GALNT13: variants seen among roughly 807,000 people sequenced by gnomAD.
The protein encoded by GALNT13 is polypeptide N-acetylgalactosaminyltransferase 13.
In GALNT13, 28 loss-of-function variants were observed where a neutral mutation model predicts 64.2. That is an observed-to-expected ratio of 0.44 (90% CI 0.32 to 0.60). The LOEUF is 0.60. GALNT13 is among the 20% of genes least tolerant of loss of function. The pLI is 0.05. For synonymous variants in GALNT13, 214 were observed against 224.6 expected (o/e 0.95, Z 0.42); for missense variants, 577 against 669.8 (o/e 0.86, Z 1.53).
the GALNT13 span, among the ~76,000 whole-genome samples, chr2:153,711,116 G>A: frequency 6.6e-6 from 1 of 152,024 alleles, no homozygotes; most frequent in African/African-American, 2.4e-5. Flanking sequence ...TCTAAATTCA[G>A]CTCTCCAAAC....
At chr2:154,065,604 C>T (rs1700419276) in intron 3 of GALNT13, among the ~76,000 whole-genome samples, 1 of 152,192 alleles carries the variant, frequency 6.6e-6, no homozygotes, top group African/African-American at 2.4e-5. Context: ...GGATCTTATG[C>T]AGTATCACCA....
intron 4 of GALNT13, among the ~76,000 whole-genome samples, chr2:154,169,724 C>T (rs1685248528): frequency 2.6e-5 from 4 of 152,162 alleles, no homozygotes. Context: ...ACTGGCAGCA[C>T]TCCGGGTAAG....
At chr2:153,258,143 T>C in the GALNT13 span, among the ~76,000 whole-genome samples, 1 of 152,310 alleles carries the variant, frequency 6.6e-6, no homozygotes, top group East Asian at 1.9e-4. Context: ...TCAAAGCCAA[T>C]TTGGAAAGCC....
intron 3 of GALNT13, among the ~76,000 whole-genome samples, chr2:153,954,133 T>A (rs934313698): frequency 2.0e-5 from 3 of 152,194 alleles, no homozygotes; most frequent in Non-Finnish European, 2.9e-5. Context: ...AGAATTCCTA[T>A]GTTTACATAA....
At chr2:153,782,468 C>G in the GALNT13 span, among the ~76,000 whole-genome samples, 1 of 152,094 alleles carries the variant, frequency 6.6e-6, no homozygotes, top group Admixed American at 6.5e-5. Context: ...CACATCTAAA[C>G]ATAAAAAGGA....
At chr2:154,335,100 T>C (rs959840092) in intron 9 of GALNT13, among the ~76,000 whole-genome samples, 1 of 151,960 alleles carries the variant, frequency 6.6e-6, no homozygotes, top group African/African-American at 2.4e-5. Context: ...TCCTATATGT[T>C]CTCTTGTACA....
At chr2:153,500,535 T>G in the GALNT13 span, among the ~76,000 whole-genome samples, 1 of 152,182 alleles carries the variant, frequency 6.6e-6, no homozygotes, top group Non-Finnish European at 1.5e-5. Context: ...TTGCCCAGAA[T>G]TAGAATATTG....
the GALNT13 span, among the ~76,000 whole-genome samples, chr2:153,307,834 T>C: frequency 1.2e-4 from 19 of 152,148 alleles, no homozygotes; most frequent in Non-Finnish European, 4.4e-5. Flanking sequence ...ATATAAAAGA[T>C]CAGGGACCTA....
chr2:153,970,176 G>A (rs1197692975), intron 3 of GALNT13, among the ~76,000 whole-genome samples: 1 of 152,080 alleles, frequency 6.6e-6, no homozygotes, highest in East Asian at 1.9e-4. Context: ...AGTTTCTTTT[G>A]TAAAGATACT....
At chr2:153,804,623 A>AT in the GALNT13 span, among the ~76,000 whole-genome samples, 1 of 152,152 alleles carries the variant, frequency 6.6e-6, no homozygotes, top group Non-Finnish European at 1.5e-5. Context: ...GAGTGCATTT[A>AT]TTTTTTACCT....
the GALNT13 span, among the ~76,000 whole-genome samples, chr2:153,300,200 C>T: frequency 1.3e-5 from 2 of 152,128 alleles, no homozygotes; most frequent in Admixed American, 6.5e-5. Context: ...TTTGCGCTCC[C>T]CTAGTTAGGT....
At chr2:154,440,191 T>C (rs1452814536) in intron 12 of GALNT13, among the ~76,000 whole-genome samples, 3 of 152,154 alleles carry the variant, frequency 2.0e-5, no homozygotes, top group Admixed American at 2.0e-4. Context: ...ACTGAGCTTA[T>C]GCTAAAAATA....
intron 4 of GALNT13, among the ~76,000 whole-genome samples, chr2:154,197,868 T>A (rs975134700): frequency 6.6e-6 from 1 of 151,576 alleles, no homozygotes; most frequent in Non-Finnish European, 1.5e-5. Flanking sequence ...TATAAAAGTA[T>A]CTAGATAACA....
At chr2:153,817,730 A>G in the GALNT13 span, among the ~76,000 whole-genome samples, 3 of 151,528 alleles carry the variant, frequency 2.0e-5, no homozygotes, top group Non-Finnish European at 4.4e-5. Flanking sequence ...GTCATTGAAT[A>G]GTTATTTTCT....
chr2:153,378,285 TAGATAG>T, the GALNT13 span, among the ~76,000 whole-genome samples: 1 of 149,618 alleles, frequency 6.7e-6, no homozygotes, highest in East Asian at 1.9e-4. Flanking sequence ...GATAGATAGA[TAGATAG>T]ATAGATAGAT....
chr2:153,544,726 T>C, the GALNT13 span, among the ~76,000 whole-genome samples: 22 of 152,224 alleles, frequency 1.4e-4, no homozygotes, highest in Admixed American at 1.4e-3. Flanking sequence ...AAGAATACAG[T>C]GTTCTGTAGC....
At chr2:153,314,487 A>G in the GALNT13 span, among the ~76,000 whole-genome samples, 6 of 152,102 alleles carry the variant, frequency 3.9e-5, no homozygotes, top group Non-Finnish European at 8.8e-5. Context: ...TATACATTTT[A>G]TTTTTTCTCA....
At chr2:153,505,993 G>A in the GALNT13 span, among the ~76,000 whole-genome samples, 1 of 152,096 alleles carries the variant, frequency 6.6e-6, no homozygotes, top group Non-Finnish European at 1.5e-5. Flanking sequence ...CATTTCTTAT[G>A]TCTTGTAATA....
At chr2:153,222,308 G>GT in the GALNT13 span, among the ~76,000 whole-genome samples, 1 of 110,950 alleles carries the variant, frequency 9.0e-6, no homozygotes, top group Admixed American at 8.8e-5. Context: ...GAGTCTGGCT[G>GT]GGGGGGGGGG....
Sources: gnomAD v4.1 joint callset for allele counts (sites outside exome capture counted in the v4.1 genomes callset) on GRCh38, gnomAD v4.1.1 for gene constraint, MANE v1.5 for transcripts, NCBI Gene and HGNC (gene_info 2026-07-23, HGNC 2026-07-21) for gene names.